DNAAF11: variants seen among roughly 807,000 people sequenced by gnomAD.
DNAAF11 encodes dynein axonemal assembly factor 11, also known as leucine rich repeat containing 6.
In DNAAF11, 45 loss-of-function variants were observed where a neutral mutation model predicts 60.8. That is an observed-to-expected ratio of 0.74 (90% CI 0.58 to 0.95). The LOEUF (loss-of-function observed/expected upper bound fraction) is 0.95, where lower values mean the gene tolerates loss of function less well. Among genes scored for constraint, DNAAF11 ranks in the 40% least tolerant of loss-of-function variants. The pLI is 0.00. For missense variants in DNAAF11, 546 were observed against 546.2 expected, an observed-to-expected ratio of 1.00 and a Z score of 0.00; for synonymous variants, 191 against 183.5, an observed-to-expected ratio of 1.04 and a Z score of -0.33.
At chr8:132,578,665 T>TA in intron 11 of DNAAF11, 1 of 579,394 alleles carries the variant, frequency 1.7e-6, no homozygotes, top group Non-Finnish European at 3.0e-6. Flanking sequence ...GGTTTCCTAG[T>TA]AAGCTAGCAT....
At chr8:132,633,567 G>T (rs779488000) in intron 4 of DNAAF11, among the ~76,000 whole-genome samples, 2 of 152,146 alleles carry the variant, frequency 1.3e-5, no homozygotes, top group African/African-American at 2.4e-5. Context: ...GCAAAATGAG[G>T]TGAGGTATTT....
At chr8:132,599,043 G>T (rs1486292839) in intron 10 of DNAAF11, among the ~76,000 whole-genome samples, 4 of 151,868 alleles carry the variant, frequency 2.6e-5, no homozygotes, top group Non-Finnish European at 5.9e-5. Flanking sequence ...TAATACAGAA[G>T]AAAAGAGAGA....
chr8:132,608,881 A>G (rs1193136407), intron 10 of DNAAF11, among the ~76,000 whole-genome samples: 1 of 152,228 alleles, frequency 6.6e-6, no homozygotes, highest in Non-Finnish European at 1.5e-5. Flanking sequence ...AAGTAAAAAT[A>G]CATAATTGAG....
rs768562434 is a variant in DNAAF11, at chr8:132,632,735, C to T, written c.653+5G>A. The T allele has an allele frequency of 1.3e-6, 2 of 1,593,114 alleles. No homozygotes were observed. Among genetic ancestry groups the T allele is most frequent in the Non-Finnish European group, 1.7e-6 (2 of 1,161,608 alleles). ...AACTAGAAAGTAAACTAATAATTTA[C>T]ATACAGAGTAGCATTGATGTCTGTG... On this transcript the variant is annotated splice_donor_5th_base_variant and intron_variant, in intron 5 of 11. Coordinates refer to ENST00000620350, the MANE Select transcript of DNAAF11 (RefSeq NM_012472.6).
At position 132,644,102 on chromosome 8, in the gene DNAAF11, C is replaced by T. The variant is rs112035722; in HGVS notation, c.257-5995G>A. 3.4e-3 allele frequency among the ~76,000 whole-genome samples: 520 copies of T among 152,100 alleles called. 3 individuals are homozygous for T. Among genetic ancestry groups the T allele is most frequent in the African/African-American group, 0.012 (489 of 41,494 alleles). ...ATAAAAACATGGATAATATTAAATA[C>T]ATATATCAGCAAGCCTGTGACATAA... is the stretch of plus-strand genomic sequence containing the variant. On this transcript the variant is annotated intron_variant, in intron 3 of 11. Transcript: ENST00000620350.
intron 7 of DNAAF11, among the ~76,000 whole-genome samples, chr8:132,619,011 C>A (rs1325750939): frequency 6.6e-6 from 1 of 151,928 alleles, no homozygotes; most frequent in African/African-American, 2.4e-5. Context: ...ATGTTTATTG[C>A]GGCACTATTC....
rs144399982 is a variant in DNAAF11 at position 132,675,488 on chromosome 8, G to C, written c.6C>G (p.Gly2=). The part of the protein sequence containing the change: M[G]WITEDLIRRN... ...GGAAGGTGGAGGGGGGCTTACTCCA[G>C]CCCATGGCGCCTCTCCAGTTCGCTG... is the stretch of plus-strand genomic sequence containing the variant. Residue 2 remains glycine, a synonymous_variant, in exon 1 of 12, where the codon GGC becomes GGG. Transcript: ENST00000620350. 1 of 1,567,656 alleles carries C rather than the reference G, an allele frequency of 6.4e-7. No homozygotes were observed. Among genetic ancestry groups the C allele is most frequent in the Admixed American group, 1.8e-5 (1 of 55,348 alleles).
chr8:132,604,568 A>C (rs917978332), intron 10 of DNAAF11, among the ~76,000 whole-genome samples: 13 of 152,182 alleles, frequency 8.5e-5, no homozygotes, highest in African/African-American at 3.1e-4. Flanking sequence ...GACTTGATGC[A>C]AGTGAACAAG....
intron 11 of DNAAF11, chr8:132,578,473 G>A (rs914543735): frequency 2.7e-5 from 41 of 1,534,354 alleles, no homozygotes; most frequent in Non-Finnish European, 3.2e-5. Flanking sequence ...TCTTACCCAC[G>A]ACCTGACTGT....
intron 7 of DNAAF11, among the ~76,000 whole-genome samples, chr8:132,621,609 C>T (rs532332307): frequency 2.0e-5 from 3 of 152,082 alleles, no homozygotes; most frequent in South Asian, 2.1e-4. Context: ...CGCCTAAAGT[C>T]GATTTCTGAA....
chr8:132,603,920 G>A (rs143209658), intron 10 of DNAAF11, among the ~76,000 whole-genome samples: 4 of 152,146 alleles, frequency 2.6e-5, no homozygotes, highest in African/African-American at 7.2e-5. Flanking sequence ...ACATCTAGAG[G>A]GATTGCATAC....
At chr8:132,623,783 A>T (rs1387982160) in intron 6 of DNAAF11, among the ~76,000 whole-genome samples, 1 of 152,112 alleles carries the variant, frequency 6.6e-6, no homozygotes, top group Non-Finnish European at 1.5e-5. Context: ...GATCCAATGG[A>T]GTTAATATTT....
chr8:132,635,925 A>G (rs1432276043), intron 4 of DNAAF11, among the ~76,000 whole-genome samples: 3 of 152,118 alleles, frequency 2.0e-5, no homozygotes. Flanking sequence ...ATTGGCCAGC[A>G]AATCAGCAGA....
At chr8:132,699,826 T>A in the DNAAF11 span, among the ~76,000 whole-genome samples, 9 of 152,176 alleles carry the variant, frequency 5.9e-5, no homozygotes, top group African/African-American at 2.2e-4. Flanking sequence ...AAACATTATG[T>A]TAAGTGAAAC....
At chr8:132,619,234 T>C (rs1376428128) in intron 7 of DNAAF11, among the ~76,000 whole-genome samples, 2 of 139,394 alleles carry the variant, frequency 1.4e-5, no homozygotes, top group Non-Finnish European at 3.0e-5. Flanking sequence ...CACTCATAGG[T>C]GGGAATTGAA....
At chr8:132,580,525 A>C (rs1285084489) in intron 11 of DNAAF11, among the ~76,000 whole-genome samples, 1 of 152,242 alleles carries the variant, frequency 6.6e-6, no homozygotes, top group Non-Finnish European at 1.5e-5. Context: ...AAATGATTAC[A>C]ATGGTCAATT....
upstream of DNAAF11, among the ~76,000 whole-genome samples, chr8:132,676,561 A>C (rs1397635256): frequency 6.6e-6 from 1 of 152,222 alleles, no homozygotes; most frequent in Admixed American, 6.5e-5. Context: ...AGATTCCTAG[A>C]GCAATGCTGA....
intron 10 of DNAAF11, among the ~76,000 whole-genome samples, chr8:132,591,389 TTATC>T (rs1158655722): frequency 2.6e-5 from 4 of 151,836 alleles, no homozygotes; most frequent in Admixed American, 6.6e-5. Flanking sequence ...TAAATATATA[TTATC>T]TATTTAAAAA....
chr8:132,654,310 C>T (rs1281543106), intron 3 of DNAAF11, among the ~76,000 whole-genome samples: 3 of 151,788 alleles, frequency 2.0e-5, no homozygotes, highest in African/African-American at 7.3e-5. Context: ...GAGCTAGGGA[C>T]AATTCAACAA....
Sources: allele counts gnomAD v4.1 joint callset (sites outside exome capture counted in the v4.1 genomes callset), GRCh38; gene constraint gnomAD v4.1.1; transcripts MANE v1.5; gene names NCBI Gene and HGNC (gene_info 2026-07-23, HGNC 2026-07-21).